Variants in TFEC observed in about 807,000 individuals in gnomAD.
The protein encoded by TFEC is transcription factor EC, also known as class E basic helix-loop-helix protein 34.
A neutral mutation model predicts 41.6 loss-of-function variants in TFEC; 31 were observed. That is an observed-to-expected ratio of 0.74 (90% CI 0.56 to 1.01). TFEC has a LOEUF of 1.01. TFEC is among the 50% of genes least tolerant of loss of function. TFEC has a pLI of 0.00. For missense variants in TFEC, 402 were observed against 404.1 expected (o/e 0.99, Z 0.04); for synonymous variants, 143 against 140.6 (o/e 1.02, Z -0.12).
At chr7:116,033,206 T>A (rs1795829928), upstream of TFEC, among the ~76,000 whole-genome samples, 1 of 152,108 alleles carries the variant, frequency 6.6e-6, no homozygotes, top group Admixed American at 6.6e-5. Context: ...GTTCTGGCCA[T>A]TCTATGCCTG....
upstream of TFEC, among the ~76,000 whole-genome samples, chr7:116,031,620 G>C (rs1459428112): frequency 6.6e-6 from 1 of 152,114 alleles, no homozygotes; most frequent in African/African-American, 2.4e-5. Context: ...ATTTATGCAA[G>C]CTACTGAAGT....
At chr7:116,017,793 A>T (rs761389567) in intron 1 of TFEC, among the ~76,000 whole-genome samples, 66 of 152,184 alleles carry the variant, frequency 4.3e-4, no homozygotes, top group Admixed American at 1.2e-3. Context: ...AACAGGTTAC[A>T]ATGTCTTCTA....
intron 3 of TFEC, among the ~76,000 whole-genome samples, chr7:116,076,265 T>A (rs1001231720): frequency 6.6e-6 from 1 of 152,066 alleles, no homozygotes; most frequent in African/African-American, 2.4e-5. Flanking sequence ...GACAAAAGAA[T>A]CTGAACAGTA....
chr7:115,956,825 A>C, intron 3 of TFEC, 32 bp from the exon 4 acceptor site: 1 of 1,413,272 alleles, frequency 7.1e-7, no homozygotes, highest in Non-Finnish European at 9.7e-7. Context: ...AAGATTAATA[A>C]AAACCTTCTG....
intron 3 of TFEC, among the ~76,000 whole-genome samples, chr7:115,966,314 G>A (rs1468477771): frequency 6.6e-6 from 1 of 151,692 alleles, no homozygotes; most frequent in Non-Finnish European, 1.5e-5. Flanking sequence ...GGGAGGGTGT[G>A]AGGGGGAAGA....
At chr7:116,073,830 G>C (rs1178508220) in intron 3 of TFEC, among the ~76,000 whole-genome samples, 1 of 151,818 alleles carries the variant, frequency 6.6e-6, no homozygotes, top group Non-Finnish European at 1.5e-5. Context: ...AGAAATAATA[G>C]ACATAGATCA....
intron 3 of TFEC, among the ~76,000 whole-genome samples, chr7:116,056,290 C>T (rs115572420): frequency 0.01 from 1,530 of 152,172 alleles, 33 homozygotes; most frequent in African/African-American, 0.035. Flanking sequence ...CAGAGGCTGG[C>T]AGACTCCTCG....
intron 6 of TFEC, among the ~76,000 whole-genome samples, chr7:115,949,087 C>T (rs1221433372): frequency 2.0e-5 from 3 of 152,218 alleles, no homozygotes; most frequent in East Asian, 1.9e-4. Context: ...CATGAGTGAA[C>T]TCCCATTCAT....
At chr7:116,112,958 T>C (rs1797890029) in intron 1 of TFEC, among the ~76,000 whole-genome samples, 1 of 151,928 alleles carries the variant, frequency 6.6e-6, no homozygotes. Flanking sequence ...TTAGGCATCA[T>C]GAAATTCTAA....
intron 3 of TFEC, chr7:115,968,301 T>G (rs10248479): frequency 0.13 from 191,677 of 1,505,996 alleles, 12,754 homozygotes; most frequent in Middle Eastern, 0.18. Context: ...GTGTGGAAAC[T>G]TCTACACTAA....
intron 3 of TFEC, among the ~76,000 whole-genome samples, chr7:116,038,177 T>C (rs936760150): frequency 6.6e-6 from 1 of 152,070 alleles, no homozygotes; most frequent in Non-Finnish European, 1.5e-5. Flanking sequence ...TCTTCTATAA[T>C]ACCAAGGACT....
At chr7:116,045,162 C>G (rs554829133) in intron 3 of TFEC, among the ~76,000 whole-genome samples, 3 of 152,172 alleles carry the variant, frequency 2.0e-5, no homozygotes, top group African/African-American at 7.2e-5. Flanking sequence ...TCCCTAGAGA[C>G]TTGTTGAATG....
In TFEC at chr7:116,137,023, T is replaced by C. The variant is rs185373672; in HGVS notation, c.-69+22767A>G. 2.9e-3 allele frequency among the ~76,000 whole-genome samples: 447 copies of C among 152,232 alleles called. 3 individuals carry two copies. The highest frequency in any genetic ancestry group is 0.01 in the African/African-American group (426 of 41,576). Reference sequence around the variant, plus strand: ...AATATTCCTCCAAATTTAATCAATATTTGCTGTTTAAAGTTGTTTCTTCTA... The same window carrying C: ...AATATTCCTCCAAATTTAATCAATACTTGCTGTTTAAAGTTGTTTCTTCTA... On this transcript the variant is annotated intron_variant, in intron 1 of 8. Coordinates refer to the TFEC transcript ENST00000484212.
intron 3 of TFEC, among the ~76,000 whole-genome samples, chr7:116,060,699 G>C (rs1358591581): frequency 6.6e-6 from 1 of 152,022 alleles, no homozygotes; most frequent in East Asian, 1.9e-4. Flanking sequence ...ACAGACCCTG[G>C]GGTCTACATG....
chr7:116,097,084 G>A (rs1184184643), intron 3 of TFEC, among the ~76,000 whole-genome samples: 2 of 145,450 alleles, frequency 1.4e-5, no homozygotes, highest in Non-Finnish European at 3.0e-5. Flanking sequence ...GCGACACTCT[G>A]TTTCAAAAAA....
chr7:116,151,433 G>A (rs1798758668), intron 1 of TFEC, among the ~76,000 whole-genome samples: 1 of 151,744 alleles, frequency 6.6e-6, no homozygotes, highest in Non-Finnish European at 1.5e-5. Flanking sequence ...AGTATAGATG[G>A]GGTTTCATCA....
intron 6 of TFEC, among the ~76,000 whole-genome samples, chr7:115,945,217 T>G (rs1693285885): frequency 6.6e-6 from 1 of 151,310 alleles, no homozygotes; most frequent in Non-Finnish European, 1.5e-5. Context: ...TCTTTTATTT[T>G]CTCACCCTCA....
At chr7:116,149,622 T>C (rs1798719458) in intron 1 of TFEC, among the ~76,000 whole-genome samples, 2 of 152,168 alleles carry the variant, frequency 1.3e-5, no homozygotes, top group Admixed American at 6.5e-5. Context: ...CTGCAGTAAG[T>C]ACACAGTGGA....
At chr7:116,157,043 C>T (rs182144485) in intron 1 of TFEC, among the ~76,000 whole-genome samples, 12 of 152,302 alleles carry the variant, frequency 7.9e-5, no homozygotes, top group Admixed American at 7.8e-4. Flanking sequence ...CTTCCAATCA[C>T]AGCAAGAGTT....
Sources: gnomAD v4.1 joint callset for allele counts (sites outside exome capture counted in the v4.1 genomes callset) on GRCh38, gnomAD v4.1.1 for gene constraint, MANE v1.5 for transcripts, NCBI Gene and HGNC (gene_info 2026-07-23, HGNC 2026-07-21) for gene names.